Variants in ATCAY observed in about 807,000 individuals in gnomAD.
The protein encoded by ATCAY is caytaxin.
A neutral mutation model predicts 47.7 loss-of-function variants in ATCAY; 22 were observed. The observed-to-expected ratio is 0.46, with a 90% CI of 0.33 to 0.66. The LOEUF is 0.66. Among genes scored for constraint, ATCAY ranks in the 30% least tolerant of loss-of-function variants. ATCAY has a pLI of 0.02. For synonymous variants in ATCAY, 216 were observed against 207.6 expected (o/e 1.04, Z -0.35); for missense variants, 452 against 515.0 (o/e 0.88, Z 1.18).
chr19:3,905,539 C>A lies in ATCAY; in HGVS notation c.242C>A (p.Ser81Tyr). 6.2e-7 allele frequency: 1 copy of A among 1,613,948 alleles called. No homozygotes were observed. Among genetic ancestry groups the A allele is most frequent in the Non-Finnish European group, 8.5e-7 (1 of 1,179,884 alleles). The part of the protein sequence containing the change: ...SLDQSEGSLL[S>Y]DDFLDTPDDL... ...GATCAGAGTGAGGGGTCCCTGCTGT[C>A]CGATGACTTCTTGGATACCCCTGAT... The change falls in exon 4 of 13, where the codon TCC becomes TAC. Residue 81 changes from serine to tyrosine, a missense_variant. By Grantham distance (144) the Ser-to-Tyr change is moderately radical. Coordinates refer to ENST00000450849, the MANE Select transcript of ATCAY (RefSeq NM_033064.5).
intron 9 of ATCAY, among the ~76,000 whole-genome samples, 143 bp from the exon 10 acceptor site, chr19:3,917,584 CAAAAAAAAAAAAAAA>C (rs71166940): frequency 4.9e-5 from 2 of 40,836 alleles, no homozygotes; most frequent in African/African-American, 1.0e-4. Flanking sequence ...GACTCCATCT[CAAAAAAAAAAAAAAA>C]AAAAAAAAAA....
intron 12 of ATCAY, among the ~76,000 whole-genome samples, chr19:3,924,233 G>GTGGATGGA (rs113947508): frequency 0.037 from 5,236 of 140,724 alleles, 150 homozygotes; most frequent in South Asian, 0.13. Flanking sequence ...GAGTGAGTGT[G>GTGGATGGA]TGGATGGATG....
At chr19:3,906,251 C>T (rs887165240) in intron 4 of ATCAY, among the ~76,000 whole-genome samples, 5 of 149,716 alleles carry the variant, frequency 3.3e-5, no homozygotes, top group African/African-American at 9.8e-5. Flanking sequence ...TTCTATTGTT[C>T]GATAGCAGAA....
chr19:3,908,805 T>C (rs1432912504), intron 6 of ATCAY, among the ~76,000 whole-genome samples: 1 of 64,844 alleles, frequency 1.5e-5, no homozygotes, highest in East Asian at 8.5e-4. Flanking sequence ...CTCCCCTTTC[T>C]CCACCTCATC....
At chr19:3,917,599 A>T in intron 9 of ATCAY, 143 bp from the exon 10 acceptor site, 2 of 904,874 alleles carry the variant, frequency 2.2e-6, no homozygotes, top group Non-Finnish European at 3.2e-6. Context: ...AAAAAAAAAA[A>T]AAAAAAAAAA....
At chr19:3,888,354 G>A (rs575013863) in intron 2 of ATCAY, among the ~76,000 whole-genome samples, 31 of 152,242 alleles carry the variant, frequency 2.0e-4, no homozygotes, top group African/African-American at 4.8e-4. Flanking sequence ...TCCAGGCCGC[G>A]CACAGTGGCT....
chr19:3,899,849 C>T (rs1165381177), intron 2 of ATCAY, among the ~76,000 whole-genome samples: 1 of 152,160 alleles, frequency 6.6e-6, no homozygotes, highest in African/African-American at 2.4e-5. Flanking sequence ...CTGGGTCAAA[C>T]TCGGGCAGCA....
Position 3,920,802 on chromosome 19 carries a change from G to A in ATCAY, c.1106+4G>A, listed in dbSNP as rs2039011268. The A allele has an allele frequency of 2.5e-6, 4 of 1,613,562 alleles. No homozygotes were observed. Among genetic ancestry groups the A allele is most frequent in the African/African-American group, 1.3e-5 (1 of 74,914 alleles). On this transcript the variant is annotated splice_donor_region_variant and intron_variant, in intron 12 of 12. Coordinates refer to ENST00000450849, the MANE Select transcript of ATCAY (RefSeq NM_033064.5). ...TCTCAGAAGATCAGGAAACAAGGTGGGTGTGATGCAGAGTGGTCTTCGTGC... is the reference window on the plus strand; with the variant it reads ...TCTCAGAAGATCAGGAAACAAGGTGAGTGTGATGCAGAGTGGTCTTCGTGC...
At chr19:3,912,376 C>G (rs1019648170) in intron 8 of ATCAY, among the ~76,000 whole-genome samples, 1 of 151,662 alleles carries the variant, frequency 6.6e-6, no homozygotes, top group Non-Finnish European at 1.5e-5. Flanking sequence ...TGCAGTGGCG[C>G]GATCTCAGCT....
At chr19:3,900,895 C>CT (rs59395284) in intron 2 of ATCAY, among the ~76,000 whole-genome samples, 2,275 of 92,196 alleles carry the variant, frequency 0.025, 91 homozygotes, top group African/African-American at 0.054. Context: ...TATCCTTCAT[C>CT]TTTTTTTTTT....
intron 6 of ATCAY, 147 bp from the exon 7 acceptor site, chr19:3,909,339 C>A: frequency 1.2e-6 from 1 of 848,590 alleles, no homozygotes; most frequent in Non-Finnish European, 1.8e-6. Context: ...TCCCACCCTG[C>A]AGTCCGCCAG....
chr19:3,905,543 T>A lies in ATCAY; in HGVS notation c.246T>A (p.Asp82Glu). The stretch of plus-strand genomic sequence containing the variant: ...AGAGTGAGGGGTCCCTGCTGTCCGA[T>A]GACTTCTTGGATACCCCTGATGACC... ...LDQSEGSLLSDDFLDTPDDLD... is the reference protein window; with the variant it reads ...LDQSEGSLLSEDFLDTPDDLD... Residue 82 changes from aspartate (D) to glutamate (E), a missense_variant, in exon 4 of 13, where the codon GAT becomes GAA. Coordinates refer to ENST00000450849, the MANE Select transcript of ATCAY (RefSeq NM_033064.5). The A allele has an allele frequency of 6.2e-7, 1 of 1,613,988 alleles. No individual in the cohort carries two copies. Among genetic ancestry groups the A allele is most frequent in the Non-Finnish European group, 8.5e-7 (1 of 1,179,886 alleles).
intron 4 of ATCAY, 61 bp downstream of exon 4, chr19:3,905,716 T>C: frequency 6.9e-7 from 1 of 1,447,304 alleles, no homozygotes; most frequent in East Asian, 2.4e-5. Flanking sequence ...CACCTTTCCG[T>C]CTCTGGATTC....
chr19:3,904,827 C>G (rs2038846037), intron 3 of ATCAY, among the ~76,000 whole-genome samples: 1 of 151,904 alleles, frequency 6.6e-6, no homozygotes, highest in African/African-American at 2.4e-5. Context: ...CACAATTTGT[C>G]TGCACAAGAG....
chr19:3,887,742 T>A (rs1260835051), intron 2 of ATCAY, among the ~76,000 whole-genome samples: 2 of 144,574 alleles, frequency 1.4e-5, no homozygotes. Flanking sequence ...CACCTCGGCC[T>A]CCCAAAGTGC....
At chr19:3,900,385 G>A (rs976066212) in intron 2 of ATCAY, among the ~76,000 whole-genome samples, 10 of 151,734 alleles carry the variant, frequency 6.6e-5, no homozygotes, top group Non-Finnish European at 1.3e-4. Flanking sequence ...ACAGAGTTAC[G>A]CCATGTTGCC....
At chr19:3,908,696 C>A (rs1156685912) in intron 6 of ATCAY, among the ~76,000 whole-genome samples, 1 of 66,066 alleles carries the variant, frequency 1.5e-5, no homozygotes, top group Non-Finnish European at 3.5e-5. Flanking sequence ...TCTTCCTCCC[C>A]CCTCCTCCTC....
chr19:3,885,055 A>T (rs1356112038), intron 1 of ATCAY, among the ~76,000 whole-genome samples: 1 of 139,006 alleles, frequency 7.2e-6, no homozygotes, highest in Non-Finnish European at 1.5e-5. Context: ...ATGAGCCATG[A>T]TTGTGCCCCT....
intron 1 of ATCAY, among the ~76,000 whole-genome samples, chr19:3,884,203 C>T (rs1360365279): frequency 6.6e-6 from 1 of 152,098 alleles, no homozygotes; most frequent in Non-Finnish European, 1.5e-5. Flanking sequence ...AGGAGGATCG[C>T]TTGAGCCCAG....
Sources: allele counts gnomAD v4.1 joint callset (sites outside exome capture counted in the v4.1 genomes callset), GRCh38; gene constraint gnomAD v4.1.1; transcripts MANE v1.5; gene names NCBI Gene and HGNC (gene_info 2026-07-23, HGNC 2026-07-21).